Variants in KREMEN1 observed in about 807,000 individuals in gnomAD.
KREMEN1 encodes the protein kremen protein 1.
A neutral mutation model predicts 46.5 loss-of-function variants in KREMEN1; 30 were observed. The observed-to-expected ratio is 0.65, with a 90% confidence interval of 0.48 to 0.88. The LOEUF is 0.88. Among genes scored for constraint, KREMEN1 ranks in the 40% least tolerant of loss-of-function variants. The pLI, the probability that KREMEN1 is intolerant of heterozygous loss-of-function variation, is 0.00. For synonymous variants in KREMEN1, 214 were observed against 230.6 expected (o/e 0.93, Z 0.65); for missense variants, 533 against 596.9 (o/e 0.89, Z 1.11).
At chr22:29,112,099 G>T (rs910737419) in intron 3 of KREMEN1, among the ~76,000 whole-genome samples, 1 of 152,150 alleles carries the variant, frequency 6.6e-6, no homozygotes, top group Admixed American at 6.5e-5. Context: ...CTCTCAGCTT[G>T]TTATCCATCC....
chr22:29,150,071 G>A (rs776388110), downstream of KREMEN1, among the ~76,000 whole-genome samples: 22 of 152,196 alleles, frequency 1.4e-4, no homozygotes, highest in East Asian at 3.8e-4. Context: ...GATTGTTTTC[G>A]CTCAGCTCAA....
At position 29,142,718 on chromosome 22, in the gene KREMEN1, C is replaced by G; in HGVS notation, c.*606C>G. 1.0e-6 allele frequency: 1 copy of G among 985,508 alleles called. No individual in the cohort carries two copies. The highest frequency in any genetic ancestry group is 1.2e-6 in the Non-Finnish European group (1 of 829,992). 61.0% of individuals were successfully genotyped at this position (985,508 alleles called of 1,614,324 possible). On this transcript the variant is annotated 3_prime_UTR_variant, in exon 9 of 9. Coordinates refer to ENST00000400335, the MANE Select transcript of KREMEN1 (RefSeq NM_001039570.3). Reference sequence around the variant, plus strand: ...CTGGACTAGGGTGGGCCTCCTTCAGCCTGGGAGGGTCTGAGAATAAGATCT... The same window carrying G: ...CTGGACTAGGGTGGGCCTCCTTCAGGCTGGGAGGGTCTGAGAATAAGATCT...
chr22:29,082,229 T>C (rs1652252714), intron 1 of KREMEN1, among the ~76,000 whole-genome samples: 1 of 152,162 alleles, frequency 6.6e-6, no homozygotes, highest in Non-Finnish European at 1.5e-5. Context: ...TATTTTATTT[T>C]ATTTTTTAGA....
chr22:29,092,872 G>A (rs1025268473), intron 1 of KREMEN1, among the ~76,000 whole-genome samples: 4 of 152,190 alleles, frequency 2.6e-5, no homozygotes, highest in Non-Finnish European at 5.9e-5. Flanking sequence ...TTACTAGGGA[G>A]GCCGAGGCAG....
chr22:29,100,394 G>T (rs779281999), intron 3 of KREMEN1, among the ~76,000 whole-genome samples: 1 of 152,122 alleles, frequency 6.6e-6, no homozygotes, highest in African/African-American at 2.4e-5. Context: ...GATTACAGGC[G>T]TGGACTAGTC....
At chr22:29,151,107 A>G (rs1212934813), downstream of KREMEN1, among the ~76,000 whole-genome samples, 4 of 152,106 alleles carry the variant, frequency 2.6e-5, no homozygotes, top group Non-Finnish European at 5.9e-5. Context: ...TTCTTTACCT[A>G]TTTGATGACA....
At chr22:29,114,052 C>A (rs528628198) in intron 3 of KREMEN1, among the ~76,000 whole-genome samples, 1 of 152,034 alleles carries the variant, frequency 6.6e-6, no homozygotes, top group Admixed American at 6.6e-5. Flanking sequence ...TTGTCCCCCA[C>A]CCACCCCCAC....
At chr22:29,091,159 G>A (rs1207577405) in intron 1 of KREMEN1, among the ~76,000 whole-genome samples, 1 of 152,168 alleles carries the variant, frequency 6.6e-6, no homozygotes, top group Non-Finnish European at 1.5e-5. Flanking sequence ...TTTTAGTAGA[G>A]ACGGCGTTTC....
intron 9 of KREMEN1, among the ~76,000 whole-genome samples, chr22:29,163,906 G>A (rs1009489062): frequency 1.3e-5 from 2 of 151,656 alleles, no homozygotes; most frequent in African/African-American, 2.4e-5. Flanking sequence ...GCGTATGTAC[G>A]CCCTACATCT....
intron 1 of KREMEN1, among the ~76,000 whole-genome samples, chr22:29,093,021 G>C (rs2037826940): frequency 6.6e-6 from 1 of 152,078 alleles, no homozygotes; most frequent in South Asian, 2.1e-4. Context: ...TCTTGCATAG[G>C]TGGACATTCA....
Position 29,145,175 on chromosome 22 carries a change from G to C in KREMEN1, c.*3063G>C. The C allele has an allele frequency of 1.0e-6, 1 of 985,954 alleles. No homozygotes were observed. The highest frequency in any genetic ancestry group is 1.2e-6 in the Non-Finnish European group (1 of 830,190). The allele number at this position is 985,954 out of a possible 1,614,324, so 61.1% of individuals were successfully genotyped here. ...AACACCTGAGAAAGAAACTGCTCCA[G>C]AAGAGATGACGTGGGCTTCCAGGAG... On this transcript the variant is annotated 3_prime_UTR_variant, in exon 9 of 9. Coordinates refer to ENST00000400335, the MANE Select transcript of KREMEN1 (RefSeq NM_001039570.3).
intron 5 of KREMEN1, among the ~76,000 whole-genome samples, chr22:29,129,880 C>G (rs542820913): frequency 6.6e-6 from 1 of 152,106 alleles, no homozygotes; most frequent in African/African-American, 2.4e-5. Context: ...ACAACACTGA[C>G]GGGGGCTTCA....
At position 29,073,288 on chromosome 22, in the gene KREMEN1, G is replaced by A. The variant is rs2037503403; in HGVS notation, c.97+61G>A. ...CGGAGCCCACTCGAGGGGCGACAAGGGCCGGCCGGCCTGAGAGCCCCCTCC... is the reference window on the plus strand; with the variant it reads ...CGGAGCCCACTCGAGGGGCGACAAGAGCCGGCCGGCCTGAGAGCCCCCTCC... On this transcript the variant is annotated intron_variant, in intron 1 of 8. Transcript: ENST00000400335. This position sits in a 1 kb window ranked among gnomAD's most constrained non-coding sequence, Gnocchi z 4.4. The A allele has an allele frequency of 2.7e-6, 2 of 730,494 alleles. No individual in the cohort carries two copies. The highest frequency in any genetic ancestry group is 3.6e-6 in the Non-Finnish European group (2 of 555,538). The allele number at this position is 730,494 out of a possible 1,614,324, so 45.3% of individuals were successfully genotyped here. A position where few individuals can be genotyped will look rare whatever the true frequency, so the allele number is the denominator to read the frequency against.
chr22:29,097,483 GCAGTTTT>G (rs2037899117), intron 2 of KREMEN1, among the ~76,000 whole-genome samples: 1 of 152,198 alleles, frequency 6.6e-6, no homozygotes, highest in African/African-American at 2.4e-5. Context: ...AGACTCTGAC[GCAGTTTT>G]CTTCAGTATT....
intron 1 of KREMEN1, 86 bp from the exon 2 acceptor site, chr22:29,094,172 C>T (rs1321973801): frequency 5.0e-6 from 6 of 1,200,400 alleles, no homozygotes; most frequent in Non-Finnish European, 7.2e-6. Flanking sequence ...CAGCTTGGTC[C>T]AAACAAAACA....
intron 5 of KREMEN1, among the ~76,000 whole-genome samples, chr22:29,129,927 A>G (rs1166990268): frequency 1.3e-5 from 2 of 152,190 alleles, no homozygotes; most frequent in Non-Finnish European, 2.9e-5. Flanking sequence ...AATTTATTGA[A>G]TTAACATAAC....
intron 5 of KREMEN1, among the ~76,000 whole-genome samples, chr22:29,135,014 T>C (rs939698488): frequency 3.3e-5 from 5 of 152,172 alleles, no homozygotes; most frequent in Admixed American, 1.3e-4. Context: ...AGACAGGATG[T>C]GTAAAGGCCA....
chr22:29,145,826 G>A lies in KREMEN1; in HGVS notation c.*3714G>A. The stretch of plus-strand genomic sequence containing the variant: ...GACTCCAATCGGCCAGAAGCCCACA[G>A]AGATCAAAGCACTAGCAAGTTCAGC... On this transcript the variant is annotated 3_prime_UTR_variant, in exon 9 of 9. Transcript: ENST00000400335. 1.0e-6 allele frequency: 1 copy of A among 985,552 alleles called. No individual in the cohort carries two copies. The highest frequency in any genetic ancestry group is 1.2e-6 in the Non-Finnish European group (1 of 829,952). 61.1% of individuals were successfully genotyped at this position (985,552 alleles called of 1,614,324 possible). A position where few individuals can be genotyped will look rare whatever the true frequency, so the allele number is the denominator to read the frequency against.
intron 8 of KREMEN1, 32 bp from the exon 9 acceptor site, chr22:29,141,912 T>C: frequency 6.6e-7 from 1 of 1,524,356 alleles, no homozygotes; most frequent in Non-Finnish European, 8.9e-7. Context: ...GTTGTTCTAA[T>C]CTATTGGAAA....
Sources: gnomAD v4.1 joint callset for allele counts (sites outside exome capture counted in the v4.1 genomes callset) on GRCh38, gnomAD v4.1.1 for gene constraint, Gnocchi (gnomAD v3.1) non-coding constraint, MANE v1.5 for transcripts, NCBI Gene and HGNC (gene_info 2026-07-23, HGNC 2026-07-21) for gene names.